The following RIMS2 variants were observed in gnomAD, a reference collection of about 807,000 sequenced individuals.
RIMS2 encodes regulating synaptic membrane exocytosis protein 2.
A neutral mutation model predicts 174.4 loss-of-function variants in RIMS2; 59 were observed. The observed-to-expected ratio is 0.34, with a 90% confidence interval of 0.27 to 0.42. The LOEUF (loss-of-function observed/expected upper bound fraction) is 0.42. Among genes scored for constraint, RIMS2 ranks in the 10% least tolerant of loss-of-function variants. The pLI is 1.00. For missense variants in RIMS2, 1,620 were observed against 1,666.3 expected, an observed-to-expected ratio of 0.97 and a Z score of 0.48; for synonymous variants, 606 against 572.5, an observed-to-expected ratio of 1.06 and a Z score of -0.84.
At chr8:103,560,214 A>G (rs1173609590) in intron 1 of RIMS2, among the ~76,000 whole-genome samples, 2 of 152,128 alleles carry the variant, frequency 1.3e-5, no homozygotes, top group Non-Finnish European at 2.9e-5. Flanking sequence ...AATTATTGTT[A>G]TATTAAAGGA....
chr8:103,824,133 G>A (rs1025720501), intron 3 of RIMS2, among the ~76,000 whole-genome samples: 3 of 151,960 alleles, frequency 2.0e-5, no homozygotes, highest in African/African-American at 7.2e-5. Flanking sequence ...ATTAGTATAT[G>A]TCCTTAATCT....
chr8:103,970,319 G>A (rs142464678), intron 15 of RIMS2, among the ~76,000 whole-genome samples: 29 of 152,316 alleles, frequency 1.9e-4, no homozygotes, highest in African/African-American at 5.3e-4. Flanking sequence ...GAAAGCTAGA[G>A]TGGACTAGAT....
intron 2 of RIMS2, among the ~76,000 whole-genome samples, chr8:103,730,262 G>T (rs1221944627): frequency 6.6e-6 from 1 of 151,474 alleles, no homozygotes; most frequent in Non-Finnish European, 1.5e-5. Flanking sequence ...CCAGTGTTGG[G>T]TGATTATATA....
At chr8:103,975,679 A>G (rs2093352671) in intron 16 of RIMS2, 173 bp downstream of exon 18, 1 of 512,252 alleles carries the variant, frequency 2.0e-6, no homozygotes, top group African/African-American at 1.9e-5. Flanking sequence ...TGGGGAAGGG[A>G]GAAGCCAGTA....
At chr8:104,220,528 G>T (rs2099150213) in intron 19 of RIMS2, among the ~76,000 whole-genome samples, 1 of 152,132 alleles carries the variant, frequency 6.6e-6, no homozygotes. Flanking sequence ...ATGACTTTCA[G>T]CCAGCATTGT....
At chr8:103,639,880 T>A (rs1564122511) in intron 1 of RIMS2, among the ~76,000 whole-genome samples, 1 of 151,930 alleles carries the variant, frequency 6.6e-6, no homozygotes, top group Non-Finnish European at 1.5e-5. Flanking sequence ...CAAAATAACT[T>A]GATGAGATTT....
intron 1 of RIMS2, among the ~76,000 whole-genome samples, chr8:103,587,636 T>A (rs1663125069): frequency 6.6e-6 from 1 of 152,002 alleles, no homozygotes; most frequent in Non-Finnish European, 1.5e-5. Context: ...TGATACCTCA[T>A]ATCAAGAGAA....
intron 19 of RIMS2, among the ~76,000 whole-genome samples, chr8:104,211,277 C>A (rs2099104271): frequency 6.6e-6 from 1 of 151,944 alleles, no homozygotes; most frequent in South Asian, 2.1e-4. Context: ...GAATAGGACA[C>A]CACATGAAAA....
intron 1 of RIMS2, among the ~76,000 whole-genome samples, chr8:103,563,982 A>G (rs2449912): frequency 0.35 from 53,851 of 152,060 alleles, 10,268 homozygotes; most frequent in East Asian, 0.77. Context: ...ATTACCTTTC[A>G]CTGGTCCCTC....
At chr8:103,712,065 C>T (rs1474627375) in intron 2 of RIMS2, among the ~76,000 whole-genome samples, 2 of 151,796 alleles carry the variant, frequency 1.3e-5, no homozygotes, top group Non-Finnish European at 2.9e-5. Flanking sequence ...AATCACAGCT[C>T]ACTGGAGGCT....
chr8:103,887,558 T>A (rs932797811), intron 4 of RIMS2, among the ~76,000 whole-genome samples: 3 of 151,600 alleles, frequency 2.0e-5, no homozygotes, highest in Non-Finnish European at 4.4e-5. Context: ...TTTATTTTGG[T>A]GTATGACAAA....
Position 104,128,036 on chromosome 8 carries a change from T to C in RIMS2, c.3334+113421T>C, listed in dbSNP as rs572961573. On this transcript the variant is annotated intron_variant, in intron 19 of 23. Transcript: ENST00000504942. ...CTATAAACAACATAAATTTTTATCA[T>C]ATTAAATGACATTAAGTCACTCAAC... Among the ~76,000 whole-genome samples, 17 of 152,352 alleles carry C rather than the reference T, an allele frequency of 1.1e-4. No individual in the cohort carries two copies. The South Asian group carries it at 3.5e-3, about 32-fold the overall frequency.
chr8:104,024,528 CT>C (rs2096202506), intron 19 of RIMS2, among the ~76,000 whole-genome samples: 1 of 151,558 alleles, frequency 6.6e-6, no homozygotes, highest in South Asian at 2.1e-4. Flanking sequence ...TTTGCATGGA[CT>C]TCAACCGGTT....
chr8:104,008,977 G>C (rs1008336731), intron 17 of RIMS2, among the ~76,000 whole-genome samples: 8 of 151,848 alleles, frequency 5.3e-5, no homozygotes, highest in Admixed American at 2.6e-4. Context: ...TGATTTCTAT[G>C]GCAAATATTT....
intron 19 of RIMS2, among the ~76,000 whole-genome samples, chr8:104,040,167 T>C (rs1050140231): frequency 2.6e-5 from 4 of 151,668 alleles, no homozygotes; most frequent in Middle Eastern, 3.2e-3. Flanking sequence ...GCTATAATTT[T>C]AATATGTTGA....
At chr8:103,900,475 A>G (rs2099322470) in intron 4 of RIMS2, among the ~76,000 whole-genome samples, 2 of 152,258 alleles carry the variant, frequency 1.3e-5, no homozygotes, top group South Asian at 2.1e-4. Context: ...CAAGGAACTA[A>G]TGTAGGGGTT....
intron 1 of RIMS2, among the ~76,000 whole-genome samples, chr8:103,671,575 A>C (rs1282466181): frequency 6.6e-6 from 1 of 152,188 alleles, no homozygotes; most frequent in African/African-American, 2.4e-5. Flanking sequence ...CTTTCCATGA[A>C]CTTCCATGAA....
chr8:103,927,349 A>C (rs11995714), intron 10 of RIMS2, among the ~76,000 whole-genome samples: 4,573 of 151,556 alleles, frequency 0.03, 211 homozygotes, highest in African/African-American at 0.1. Context: ...CTTGGCTAAT[A>C]GTTTTTGGAC....
intron 2 of RIMS2, among the ~76,000 whole-genome samples, chr8:103,710,782 G>A (rs2097294001): frequency 6.6e-6 from 1 of 152,046 alleles, no homozygotes; most frequent in African/African-American, 2.4e-5. Context: ...CAGATTTGAA[G>A]CATAATGACA....
Sources: allele counts gnomAD v4.1 joint callset (sites outside exome capture counted in the v4.1 genomes callset), GRCh38; gene constraint gnomAD v4.1.1; transcripts MANE v1.5; gene names NCBI Gene and HGNC (gene_info 2026-07-23, HGNC 2026-07-21).